The following OPHN1 variants were observed in gnomAD, a reference collection of about 807,000 sequenced individuals.
OPHN1 encodes oligophrenin-1.
In OPHN1, 11 loss-of-function variants were observed where a neutral mutation model predicts 60.7. The ratio of observed to expected loss-of-function variants is 0.18; its 90% CI spans 0.11 to 0.30. OPHN1 has a LOEUF of 0.30. Ranked by LOEUF, OPHN1 falls within the 10% of genes least tolerant of loss-of-function variation. The pLI is 1.00. For synonymous variants in OPHN1, 226 were observed against 222.6 expected (o/e 1.02, Z -0.14); for missense variants, 449 against 611.0 (o/e 0.73, Z 2.80).
intron 5 of OPHN1, among the ~76,000 whole-genome samples, chrX:68,251,177 A>C (rs1281286821): frequency 9.7e-6 from 1 of 103,491 alleles, no homozygotes; most frequent in Non-Finnish European, 1.9e-5. Context: ...CCCCTCCTCA[A>C]ATGTTTTTTT....
intron 5 of OPHN1, among the ~76,000 whole-genome samples, chrX:68,274,408 G>T (rs971123053): frequency 1.3e-4 from 15 of 111,560 alleles, no homozygotes; most frequent in African/African-American, 4.6e-4. Context: ...AAAAGAAGAA[G>T]AAACTTATGC....
Position 68,083,054 on chromosome X carries a change from CTTTTTTTTTT to C in OPHN1, c.1687-9765_1687-9756del, listed in dbSNP as rs869083899. ...ATCATGAACCAACCTCTGCTAGTTT[CTTTTTTTTTT>C]TTTTTTTTTTTTTTTTTTTGAGACG... On this transcript the variant is annotated intron_variant, in intron 19 of 24. Coordinates refer to ENST00000355520, the MANE Select transcript of OPHN1 (RefSeq NM_002547.3). 3.3e-3 allele frequency among the ~76,000 whole-genome samples: 122 copies of C among 37,439 alleles called. 2 individuals are homozygous for C. Among genetic ancestry groups the C allele is most frequent in the East Asian group, 0.024 (22 of 924 alleles). The allele number at this position is 37,439 out of a possible 115,157, so 32.5% of individuals were successfully genotyped here. A position where few individuals can be genotyped will look rare whatever the true frequency, so the allele number is the denominator to read the frequency against.
chrX:68,386,958 G>T (rs753700583), intron 2 of OPHN1, among the ~76,000 whole-genome samples: 1 of 111,176 alleles, frequency 9.0e-6, no homozygotes, highest in Non-Finnish European at 1.9e-5. Context: ...GGAAAGGGTG[G>T]GATAGAAGAA....
chrX:68,218,611 T>A (rs1477304510), intron 6 of OPHN1, among the ~76,000 whole-genome samples: 2 of 107,521 alleles, frequency 1.9e-5, no homozygotes, highest in African/African-American at 6.8e-5. Flanking sequence ...CAGAAGAGAG[T>A]GGGGGCCAAT....
intron 15 of OPHN1, among the ~76,000 whole-genome samples, chrX:68,186,775 A>G (rs1191224364): frequency 9.0e-6 from 1 of 111,554 alleles, no homozygotes; most frequent in Non-Finnish European, 1.9e-5. Context: ...TTACATCTTC[A>G]TATGGTGTAA....
At chrX:68,389,099 C>A (rs1389116190) in intron 2 of OPHN1, among the ~76,000 whole-genome samples, 1 of 99,629 alleles carries the variant, frequency 1.0e-5, no homozygotes, top group Non-Finnish European at 2.0e-5. Context: ...GGACTATAAG[C>A]ACACACCATC....
At chrX:68,184,201 T>TA (rs908334408) in intron 15 of OPHN1, among the ~76,000 whole-genome samples, 2 of 110,738 alleles carry the variant, frequency 1.8e-5, no homozygotes, top group African/African-American at 6.6e-5. Context: ...ATAATAGTAA[T>TA]AAAAAAAATA....
intron 18 of OPHN1, among the ~76,000 whole-genome samples, chrX:68,098,096 C>T (rs922021471): frequency 4.5e-5 from 5 of 110,421 alleles, no homozygotes; most frequent in African/African-American, 1.7e-4. Context: ...GTTCTCTCTA[C>T]CTGGAATATC....
Position 68,098,559 on chromosome X carries a change from C to T in OPHN1, c.1527-1530G>A, listed in dbSNP as rs1221646086. 6.3e-5 allele frequency among the ~76,000 whole-genome samples: 7 copies of T among 111,691 alleles called. No individual in the cohort carries two copies. In the East Asian group the frequency reaches 1.7e-3, roughly 27 times the overall value. On this transcript the variant is annotated intron_variant, in intron 18 of 24. Transcript: ENST00000355520. ...CCTTAGACAAATCTTAATGTGAAGT[C>T]TGTTAAGCCCTAGACAAAGCTGAGT... is the stretch of plus-strand genomic sequence containing the variant.
Position 68,062,261 on chromosome X carries a change from T to C in OPHN1, c.2158+1593A>G, listed in dbSNP as rs1490746997. ...AAGGTAAAGGCCAGCAAACTTTTTC[T>C]GTAAAGTGTCAGACAGTTAATATTT... On this transcript the variant is annotated intron_variant, in intron 21 of 24. Coordinates refer to ENST00000355520, the MANE Select transcript of OPHN1 (RefSeq NM_002547.3). Among the ~76,000 whole-genome samples, 4 of 112,092 alleles carry C rather than the reference T, an allele frequency of 3.6e-5. No individual in the cohort carries two copies. In the Admixed American group the frequency reaches 3.8e-4, roughly 11 times the overall value.
chrX:68,208,450 C>T (rs925850228), intron 9 of OPHN1, among the ~76,000 whole-genome samples: 2 of 111,838 alleles, frequency 1.8e-5, no homozygotes, highest in Non-Finnish European at 3.8e-5. Flanking sequence ...GTTCAAATAT[C>T]ACTTTCTTTG....
In OPHN1 at chrX:68,178,833, C is replaced by T. The variant is rs2077424922; in HGVS notation, c.1276+14086G>A. Among the ~76,000 whole-genome samples, 3 of 112,225 alleles carry T rather than the reference C, an allele frequency of 2.7e-5. No homozygotes were observed. In the Admixed American group the frequency reaches 2.8e-4, roughly 11 times the overall value. Reference sequence around the variant, plus strand: ...TATGGTTCTTCTATTTCAAATATTTCCTGACTCTCGGCTCAAGGTGATACA... The same window carrying T: ...TATGGTTCTTCTATTTCAAATATTTTCTGACTCTCGGCTCAAGGTGATACA... On this transcript the variant is annotated intron_variant, in intron 15 of 24. Transcript: ENST00000355520.
chrX:68,426,559 T>TAC (rs1370638594), intron 2 of OPHN1, among the ~76,000 whole-genome samples: 3 of 70,507 alleles, frequency 4.3e-5, no homozygotes, highest in African/African-American at 1.2e-4. Flanking sequence ...GTTTTATATA[T>TAC]ATATATATAT....
Position 68,042,629 on chromosome X carries a change from A to G in OPHN1, c.*4543T>C, listed in dbSNP as rs1474451248. 1 of 103,268 alleles carries G rather than the reference A, an allele frequency of 9.7e-6. No individual in the cohort carries two copies. Among genetic ancestry groups the G allele is most frequent in the Non-Finnish European group, 2.0e-5 (1 of 50,622 alleles). 8.5% of individuals were successfully genotyped at this position (103,268 alleles called of 1,213,427 possible). On this transcript the variant is annotated 3_prime_UTR_variant, in exon 25 of 25. Coordinates refer to ENST00000355520, the MANE Select transcript of OPHN1 (RefSeq NM_002547.3). The stretch of plus-strand genomic sequence containing the variant: ...AAAAACACATGAAGAAATGCTCATC[A>G]TCACTGGCCATCAGAGAAATGCAAA...
intron 15 of OPHN1, among the ~76,000 whole-genome samples, chrX:68,166,706 C>A (rs868273063): frequency 9.0e-6 from 1 of 111,059 alleles, no homozygotes; most frequent in Non-Finnish European, 1.9e-5. Context: ...GTCAGTGGAA[C>A]AGAATTGAGA....
At chrX:68,218,025 C>T (rs1249180544) in intron 6 of OPHN1, among the ~76,000 whole-genome samples, 1 of 85,941 alleles carries the variant, frequency 1.2e-5, no homozygotes, top group Non-Finnish European at 2.4e-5. Flanking sequence ...AAGTTGAAAA[C>T]TTTGAAAAAA....
At chrX:68,138,465 G>A (rs1213280329) in intron 15 of OPHN1, among the ~76,000 whole-genome samples, 3 of 111,847 alleles carry the variant, frequency 2.7e-5, no homozygotes, top group Non-Finnish European at 3.8e-5. Flanking sequence ...ACAAGTTCAT[G>A]TATTGTATGA....
chrX:68,356,945 CAGAA>C (rs1471422277), intron 2 of OPHN1, among the ~76,000 whole-genome samples: 2 of 111,644 alleles, frequency 1.8e-5, no homozygotes, highest in African/African-American at 6.5e-5. Context: ...TCTACAGACA[CAGAA>C]AGATTTGTGG....
At chrX:68,293,419 TG>T (rs2078079404) in intron 3 of OPHN1, among the ~76,000 whole-genome samples, 1 of 112,232 alleles carries the variant, frequency 8.9e-6, no homozygotes, top group South Asian at 3.7e-4. Context: ...GGGTGGCTGA[TG>T]GAACTTTCCA....
Sources: allele counts gnomAD v4.1 joint callset (sites outside exome capture counted in the v4.1 genomes callset), GRCh38; gene constraint gnomAD v4.1.1; transcripts MANE v1.5; gene names NCBI Gene and HGNC (gene_info 2026-07-23, HGNC 2026-07-21).